KLHL2: variants seen among roughly 807,000 people sequenced by gnomAD.
KLHL2 encodes the protein kelch-like protein 2.
In KLHL2, 15 loss-of-function variants were observed where a neutral mutation model predicts 75.8. That is an observed-to-expected ratio of 0.20 (90% CI 0.13 to 0.30). The LOEUF (loss-of-function observed/expected upper bound fraction) is 0.30, where lower values mean the gene tolerates loss of function less well. KLHL2 is among the 10% of genes least tolerant of loss of function. KLHL2 has a pLI of 1.00. For missense variants in KLHL2, 381 were observed against 741.0 expected, an observed-to-expected ratio of 0.51 and a Z score of 5.64; for synonymous variants, 214 against 251.9, an observed-to-expected ratio of 0.85 and a Z score of 1.42.
At chr4:165,246,347 A>T (rs572137214) in intron 4 of KLHL2, among the ~76,000 whole-genome samples, 1 of 151,950 alleles carries the variant, frequency 6.6e-6, no homozygotes, top group African/African-American at 2.4e-5. Context: ...TATGATAAGG[A>T]GGTTTGATTT....
At chr4:165,288,830 C>CT (rs767765515) in intron 5 of KLHL2, among the ~76,000 whole-genome samples, 5,563 of 122,386 alleles carry the variant, frequency 0.045, 238 homozygotes, top group African/African-American at 0.12. Flanking sequence ...AGGGTTGTTG[C>CT]TTTTTTTTTT....
chr4:165,311,430 A>G, intron 10 of KLHL2, 34 bp from the exon 11 acceptor site: 1 of 1,457,594 alleles, frequency 6.9e-7, no homozygotes. Flanking sequence ...CATTTTTTAG[A>G]GAAGGAAATG....
chr4:165,209,968 GGATTT>G (rs1372969069), intron 1 of KLHL2: 1 of 1,451,072 alleles, frequency 6.9e-7, no homozygotes, highest in Non-Finnish European at 9.1e-7. Flanking sequence ...CCCGTGTGCC[GGATTT>G]GAGACTTGCA....
chr4:165,237,229 C>CT, intron 3 of KLHL2, among the ~76,000 whole-genome samples: 1 of 152,140 alleles, frequency 6.6e-6, no homozygotes, highest in Admixed American at 6.5e-5. Context: ...AGAAAGGTGC[C>CT]TTATATGTGG....
chr4:165,251,296 A>G (rs1432211250), intron 4 of KLHL2, among the ~76,000 whole-genome samples: 16 of 151,826 alleles, frequency 1.1e-4, no homozygotes. Flanking sequence ...GTACTAATTT[A>G]TTATTATCCA....
intron 3 of KLHL2, among the ~76,000 whole-genome samples, chr4:165,231,591 G>A (rs1452570019): frequency 6.6e-6 from 1 of 152,150 alleles, no homozygotes; most frequent in Non-Finnish European, 1.5e-5. Flanking sequence ...TTCAAAGGAA[G>A]GTTTGCTGTT....
chr4:165,239,810 G>A (rs1046979851), intron 4 of KLHL2, among the ~76,000 whole-genome samples: 2 of 152,170 alleles, frequency 1.3e-5, no homozygotes, highest in Non-Finnish European at 2.9e-5. Context: ...GGCAGCTTCT[G>A]TTATATACTG....
In KLHL2 at chr4:165,256,922, T is replaced by C. The variant is rs188339151; in HGVS notation, c.382-6275T>C. Among the ~76,000 whole-genome samples, 353 of 152,314 alleles carry C rather than the reference T, an allele frequency of 2.3e-3. 1 individual carries two copies. Among genetic ancestry groups the C allele is most frequent in the African/African-American group, 8.1e-3 (336 of 41,566 alleles). On this transcript the variant is annotated intron_variant, in intron 4 of 14. Coordinates refer to ENST00000226725, the MANE Select transcript of KLHL2 (RefSeq NM_007246.4). Reference sequence around the variant, plus strand: ...AACTAGCTTTTTATACTAAATGTATTAGAAACATTTTTCCAAGTCATTAAA... The same window carrying C: ...AACTAGCTTTTTATACTAAATGTATCAGAAACATTTTTCCAAGTCATTAAA...
intron 3 of KLHL2, among the ~76,000 whole-genome samples, chr4:165,237,764 A>G (rs550039972): frequency 1.3e-5 from 2 of 152,158 alleles, no homozygotes; most frequent in South Asian, 2.1e-4. Flanking sequence ...TACCTTTGAA[A>G]CTTAGTGAAT....
intron 3 of KLHL2, among the ~76,000 whole-genome samples, chr4:165,232,541 G>A (rs933092695): frequency 6.6e-6 from 1 of 152,004 alleles, no homozygotes; most frequent in East Asian, 1.9e-4. Flanking sequence ...AACCAGCCTG[G>A]GAGAAATAGG....
At position 165,228,873 on chromosome 4, in the gene KLHL2, G is replaced by A. The variant is rs764673590; in HGVS notation, c.219G>A (p.Val73=). 1 of 1,612,778 alleles carries A rather than the reference G, an allele frequency of 6.2e-7. No homozygotes were observed. Among genetic ancestry groups the A allele is most frequent in the Admixed American group, 1.7e-5 (1 of 59,998 alleles). ...TGGAAATTTCTGCTCATAGAGTGGT[G>A]CTGGCCGCCTGTAGTCCTTATTTTC... ...EDMEISAHRV[V]LAACSPYFHA... The change falls in exon 3 of 15, where the codon GTG becomes GTA. Residue 73 remains valine (V), a synonymous_variant. Coordinates refer to ENST00000226725, the MANE Select transcript of KLHL2 (RefSeq NM_007246.4).
chr4:165,219,857 C>T, intron 1 of KLHL2, 77 bp from the exon 2 acceptor site: 1 of 1,414,960 alleles, frequency 7.1e-7, no homozygotes, highest in Non-Finnish European at 9.5e-7. Flanking sequence ...CATTGTCTCT[C>T]TTGTAGCTTG....
intron 5 of KLHL2, among the ~76,000 whole-genome samples, chr4:165,265,669 G>GT (rs1466639737): frequency 6.6e-6 from 1 of 152,020 alleles, no homozygotes; most frequent in Non-Finnish European, 1.5e-5. Context: ...TTTTTTAATG[G>GT]TTACATAGTA....
At chr4:165,217,191 G>A (rs1737606599) in intron 1 of KLHL2, among the ~76,000 whole-genome samples, 1 of 152,076 alleles carries the variant, frequency 6.6e-6, no homozygotes, top group Admixed American at 6.5e-5. Context: ...TAAACTAGAA[G>A]CAAATATAGA....
intron 5 of KLHL2, among the ~76,000 whole-genome samples, chr4:165,284,201 A>C (rs1743912432): frequency 6.6e-6 from 1 of 152,188 alleles, no homozygotes; most frequent in African/African-American, 2.4e-5. Flanking sequence ...AACTTATGCA[A>C]ATTTCTGCAG....
chr4:165,222,252 G>T (rs1424528743), intron 2 of KLHL2, among the ~76,000 whole-genome samples: 1 of 152,180 alleles, frequency 6.6e-6, no homozygotes, highest in East Asian at 1.9e-4. Context: ...TGGACAGGAT[G>T]GTGTCTAAGG....
chr4:165,256,220 C>T (rs906064438), intron 4 of KLHL2, among the ~76,000 whole-genome samples: 7 of 152,132 alleles, frequency 4.6e-5, no homozygotes, highest in African/African-American at 1.4e-4. Context: ...TTCTCCCCTC[C>T]GTTTCTTTGT....
At chr4:165,318,085 ATCTTAT>A in intron 14 of KLHL2, 116 bp downstream of exon 14, 5 of 901,614 alleles carry the variant, frequency 5.5e-6, no homozygotes, top group Non-Finnish European at 8.6e-6. Flanking sequence ...TATAGTTTAT[ATCTTAT>A]TCTTAAGATG....
At chr4:165,223,494 A>G (rs1738172697) in intron 2 of KLHL2, among the ~76,000 whole-genome samples, 1 of 152,232 alleles carries the variant, frequency 6.6e-6, no homozygotes, top group Non-Finnish European at 1.5e-5. Context: ...TGCACAAGCC[A>G]GGGAGGGAAT....
Sources: gnomAD v4.1 joint callset for allele counts (sites outside exome capture counted in the v4.1 genomes callset) on GRCh38, gnomAD v4.1.1 for gene constraint, MANE v1.5 for transcripts, NCBI Gene and HGNC (gene_info 2026-07-23, HGNC 2026-07-21) for gene names.